The following PCSK1 variants were observed in gnomAD, a reference collection of about 807,000 sequenced individuals.
PCSK1 encodes neuroendocrine convertase 1.
A neutral mutation model predicts 90.6 loss-of-function variants in PCSK1; 56 were observed. The ratio of observed to expected loss-of-function variants is 0.62; its 90% confidence interval spans 0.50 to 0.77. The LOEUF is 0.77. Ranked by LOEUF, PCSK1 falls within the 30% of genes least tolerant of loss-of-function variation. The pLI is 0.00. For missense variants in PCSK1, 801 were observed against 932.6 expected (o/e 0.86, Z 1.84); for synonymous variants, 348 against 342.4 (o/e 1.02, Z -0.18).
chr5:96,432,783 G>T, intron 1 of PCSK1, 80 bp downstream of exon 1: 2 of 1,170,446 alleles, frequency 1.7e-6, no homozygotes, highest in Non-Finnish European at 2.6e-6. Flanking sequence ...GCAACCTGGG[G>T]CTCCCACTTG....
intron 11 of PCSK1, among the ~76,000 whole-genome samples, chr5:96,398,518 C>T (rs977518373): frequency 6.6e-6 from 1 of 152,126 alleles, no homozygotes; most frequent in African/African-American, 2.4e-5. Flanking sequence ...TTGTATGTTT[C>T]GGATATATCT....
intron 8 of PCSK1, among the ~76,000 whole-genome samples, chr5:96,410,230 G>A (rs942935809): frequency 2.6e-5 from 4 of 152,110 alleles, no homozygotes; most frequent in Admixed American, 1.3e-4. Flanking sequence ...GGAGCTCTCT[G>A]AGCATACGAC....
chr5:96,403,019 G>A (rs896940422), intron 9 of PCSK1, among the ~76,000 whole-genome samples: 7 of 152,128 alleles, frequency 4.6e-5, no homozygotes, highest in Non-Finnish European at 7.3e-5. Flanking sequence ...CCAGTTTTCC[G>A]TTTGGATCAT....
chr5:96,393,251 A>G lies in PCSK1; in HGVS notation c.2012T>C (p.Leu671Pro). The G allele has an allele frequency of 6.2e-7, 1 of 1,613,984 alleles. No individual in the cohort carries two copies. Among genetic ancestry groups the G allele is most frequent in the Non-Finnish European group, 8.5e-7 (1 of 1,179,958 alleles). Residue 671 changes from leucine (L) to proline (P), a missense_variant, in exon 14 of 14, where the codon CTG (leucine) becomes CCG (proline). By Grantham distance (98) the Leu-to-Pro change is moderately conservative. Coordinates refer to ENST00000311106, the MANE Select transcript of PCSK1 (RefSeq NM_000439.5). ...TGAGTTTTTACTGAAAGCACTTTGC[A>G]GGAGTCGCAGCATGGCCTGGGAAGG... is the stretch of plus-strand genomic sequence containing the variant. ...GAPSQAMLRL[L>P]QSAFSKNSPP...
At chr5:96,402,809 C>T (rs1387379079) in intron 9 of PCSK1, among the ~76,000 whole-genome samples, 1 of 152,084 alleles carries the variant, frequency 6.6e-6, no homozygotes, top group East Asian at 1.9e-4. Context: ...ACCACTTTAC[C>T]CTGGAGAGTG....
chr5:96,430,854 A>G (rs995002480), intron 1 of PCSK1, among the ~76,000 whole-genome samples: 3 of 152,204 alleles, frequency 2.0e-5, no homozygotes, highest in African/African-American at 7.2e-5. Flanking sequence ...TGACTATGCT[A>G]TCCCTTACTC....
chr5:96,400,032 C>T lies in PCSK1; in HGVS notation c.1351G>A (p.Asp451Asn), dbSNP rs1266281862. 11 of 1,614,182 alleles carry T rather than the reference C, an allele frequency of 6.8e-6. No homozygotes were observed. Among genetic ancestry groups the T allele is most frequent in the South Asian group, 1.1e-5 (1 of 91,072 alleles). Residue 451 changes from aspartate (D) to asparagine (N), a missense_variant, in exon 10 of 14, where the codon GAT (aspartate) becomes AAT (asparagine). Coordinates refer to ENST00000311106, the MANE Select transcript of PCSK1 (RefSeq NM_000439.5). ...CTCCAGGTCCTGGGGTCAGCTAAAT[C>T]CACCAGAGCTTTGGCATTTAGCAAG... is the stretch of plus-strand genomic sequence containing the variant. Reference protein sequence around the residue: ...FGLLNAKALVDLADPRTWRSV... With the variant: ...FGLLNAKALVNLADPRTWRSV...
chr5:96,426,782 G>A (rs1246555387), intron 2 of PCSK1, among the ~76,000 whole-genome samples: 1 of 152,106 alleles, frequency 6.6e-6, no homozygotes, highest in Non-Finnish European at 1.5e-5. Context: ...TATTGTTAAT[G>A]TGAGAGTACT....
At chr5:96,429,700 T>C (rs1470571470) in intron 1 of PCSK1, among the ~76,000 whole-genome samples, 1 of 152,166 alleles carries the variant, frequency 6.6e-6, no homozygotes. Flanking sequence ...AGTGAGAACA[T>C]GCGGTATTCG....
At chr5:96,393,476 T>C in intron 13 of PCSK1, 98 bp from the exon 14 acceptor site, 4 of 1,345,392 alleles carry the variant, frequency 3.0e-6, no homozygotes, top group Non-Finnish European at 4.2e-6. Flanking sequence ...GCCTGCCGCT[T>C]GAGAGGCAAT....
chr5:96,425,039 AG>A (rs1420685883), intron 3 of PCSK1, among the ~76,000 whole-genome samples: 1,660 of 145,904 alleles, frequency 0.011, 52 homozygotes, highest in Admixed American at 0.054. Flanking sequence ...AAAGAAAGAA[AG>A]AAAGAAAGAA....
At chr5:96,406,478 C>G (rs2112412019) in intron 9 of PCSK1, among the ~76,000 whole-genome samples, 1 of 152,316 alleles carries the variant, frequency 6.6e-6, no homozygotes, top group South Asian at 2.1e-4. Flanking sequence ...TACCAAACAT[C>G]TTGCCAGCCC....
At chr5:96,420,872 G>A (rs1761106579) in intron 5 of PCSK1, among the ~76,000 whole-genome samples, 1 of 152,108 alleles carries the variant, frequency 6.6e-6, no homozygotes, top group African/African-American at 2.4e-5. Flanking sequence ...CATCCAGAGA[G>A]AATAAAGAAG....
At position 96,433,120 on chromosome 5, in the gene PCSK1, C is replaced by T. The variant is rs1020356237; in HGVS notation, c.-78G>A. On this transcript the variant is annotated 5_prime_UTR_variant, in exon 1 of 14. Coordinates refer to ENST00000311106, the MANE Select transcript of PCSK1 (RefSeq NM_000439.5). The stretch of plus-strand genomic sequence containing the variant: ...AGATAGGAGAAAAGCCAGACAGACT[C>T]CCCCTTCCCACCCTCGGGCTCTAGA... 2 of 1,359,210 alleles carry T rather than the reference C, an allele frequency of 1.5e-6. No homozygotes were observed. Among genetic ancestry groups the T allele is most frequent in the Non-Finnish European group, 2.1e-6 (2 of 950,854 alleles). The allele number at this position is 1,359,210 out of a possible 1,614,324, so 84.2% of individuals were successfully genotyped here. A position where few individuals can be genotyped will look rare whatever the true frequency, so the allele number is the denominator to read the frequency against.
rs57397343 is a variant in PCSK1, at chr5:96,412,752, G to GTTTTTTTTTTTTTTTTTTTTT, written c.710-283_710-263dup. 6.1e-4 allele frequency among the ~76,000 whole-genome samples: 44 copies of GTTTTTTTTTTTTTTTTTTTTT among 71,808 alleles called. 10 individuals are homozygous for GTTTTTTTTTTTTTTTTTTTTT. The highest frequency in any genetic ancestry group is 3.5e-3 in the African/African-American group (39 of 11,128). The allele number at this position is 71,808 out of a possible 152,430, so 47.1% of individuals were successfully genotyped here. A position where few individuals can be genotyped will look rare whatever the true frequency, so the allele number is the denominator to read the frequency against. On this transcript the variant is annotated intron_variant, in intron 6 of 13. Transcript: ENST00000311106. Reference sequence around the variant, plus strand: ...CATGCACTGTGTAGGCAGCTGTGATGTTTTTTTTTTTTTTTTTTTTTTTGG... The same window carrying GTTTTTTTTTTTTTTTTTTTTT: ...CATGCACTGTGTAGGCAGCTGTGATGTTTTTTTTTTTTTTTTTTTTTTTTTTTTTTTTTTTTTTTTTTTTGG...
intron 5 of PCSK1, among the ~76,000 whole-genome samples, chr5:96,419,480 C>G (rs969081907): frequency 3.3e-5 from 5 of 150,254 alleles, no homozygotes; most frequent in African/African-American, 1.2e-4. Flanking sequence ...ATACCTCTAA[C>G]TCAAGGAAGT....
At chr5:96,428,643 C>G (rs1003831603) in intron 2 of PCSK1, among the ~76,000 whole-genome samples, 1 of 152,166 alleles carries the variant, frequency 6.6e-6, no homozygotes, top group Non-Finnish European at 1.5e-5. Flanking sequence ...CAATAGATTA[C>G]TTATGGAAAC....
chr5:96,409,016 A>C (rs1760663944), intron 8 of PCSK1, among the ~76,000 whole-genome samples: 3 of 152,166 alleles, frequency 2.0e-5, no homozygotes, highest in Non-Finnish European at 4.4e-5. Flanking sequence ...GTAAAATGCG[A>C]TTTATATTTT....
rs1422671161 is a variant in PCSK1 at position 96,412,481 on chromosome 5, A to G, written c.719T>C (p.Met240Thr). The G allele has an allele frequency of 6.2e-7, 1 of 1,614,060 alleles. No individual in the cohort carries two copies. Among genetic ancestry groups the G allele is most frequent in the South Asian group, 1.1e-5 (1 of 91,074 alleles). The change falls in exon 7 of 14, where the codon ATG (methionine) becomes ACG (threonine). Residue 240 changes from methionine to threonine, a missense_variant. Physicochemically the swap from Met to Thr is moderately conservative, Grantham distance 81 (BLOSUM62 -1). Transcript: ENST00000311106. ...AGCATCCGTCACAATGCCATCCAGC[A>G]TTCTTATGCCTGAGAAACAAAATAA... ...AYNSKVGGIRMLDGIVTDAIE... is the reference protein window; with the variant it reads ...AYNSKVGGIRTLDGIVTDAIE...
Sources: allele counts gnomAD v4.1 joint callset (sites outside exome capture counted in the v4.1 genomes callset), GRCh38; gene constraint gnomAD v4.1.1; transcripts MANE v1.5; gene names NCBI Gene and HGNC (gene_info 2026-07-23, HGNC 2026-07-21).